Variants in KHDRBS2 observed in about 807,000 individuals in gnomAD.
KHDRBS2 encodes KH RNA binding domain containing, signal transduction associated 2.
A neutral mutation model predicts 44.3 loss-of-function variants in KHDRBS2; 26 were observed. The observed-to-expected ratio is 0.59, with a 90% CI of 0.43 to 0.81. The LOEUF (loss-of-function observed/expected upper bound fraction) is 0.81. Ranked by LOEUF, KHDRBS2 falls within the 40% of genes least tolerant of loss-of-function variation. The probability of loss-of-function intolerance (pLI) is 0.00; values close to 1 mark genes in which losing one functional copy is unlikely to be tolerated. For synonymous variants in KHDRBS2, 194 were observed against 151.1 expected (o/e 1.28, Z -2.08); for missense variants, 476 against 433.1 (o/e 1.10, Z -0.88).
Position 61,775,779 on chromosome 6 carries a change from T to C in KHDRBS2, c.811-43015A>G, listed in dbSNP as rs149542695. ...GCTACCAGTGACTTTCTTCATAGAATTGGAAAAAACTACTTTAAATTTCAT... is the reference window on the plus strand; with the variant it reads ...GCTACCAGTGACTTTCTTCATAGAACTGGAAAAAACTACTTTAAATTTCAT... On this transcript the variant is annotated intron_variant, in intron 6 of 8. Transcript: ENST00000281156. 3.2e-3 allele frequency among the ~76,000 whole-genome samples: 485 copies of C among 152,204 alleles called. 25 individuals carry two copies. The East Asian group carries it at 0.085, about 27-fold the overall frequency.
chr6:61,730,816 TTA>T (rs773895853), intron 7 of KHDRBS2, among the ~76,000 whole-genome samples: 2 of 151,676 alleles, frequency 1.3e-5, no homozygotes, highest in African/African-American at 2.4e-5. Flanking sequence ...TATACAGCCA[TTA>T]TATATATGTG....
intron 1 of KHDRBS2, among the ~76,000 whole-genome samples, chr6:62,210,773 T>C (rs1828911902): frequency 6.6e-6 from 1 of 152,146 alleles, no homozygotes; most frequent in Admixed American, 6.5e-5. Flanking sequence ...CAATAAATAA[T>C]AACATAATCA....
In KHDRBS2 at chr6:61,769,463, T is replaced by C. The variant is rs538567241; in HGVS notation, c.811-36699A>G. ...CTGGAAAATCGGGTCACTCCCACCC[T>C]AATACTGCGCTTTTCCAAAGGGCTT... On this transcript the variant is annotated intron_variant, in intron 6 of 8. Transcript: ENST00000281156. Among the ~76,000 whole-genome samples the C allele has an allele frequency of 2.0e-5, 3 of 152,284 alleles. No homozygotes were observed. The East Asian group carries it at 5.8e-4, about 29-fold the overall frequency.
the KHDRBS2 span, among the ~76,000 whole-genome samples, chr6:61,665,972 T>A: frequency 6.6e-6 from 1 of 151,004 alleles, no homozygotes; most frequent in Non-Finnish European, 1.5e-5. Context: ...TGAATAGTTA[T>A]ATTTTGATGT....
intron 2 of KHDRBS2, among the ~76,000 whole-genome samples, chr6:62,163,172 G>A (rs571097138): frequency 6.6e-6 from 1 of 152,106 alleles, no homozygotes; most frequent in East Asian, 1.9e-4. Context: ...ACAAATACAA[G>A]CAGTTTTGCA....
rs1563037955 is a variant in KHDRBS2, at chr6:62,193,648, A to C, written c.92-16336T>G. On this transcript the variant is annotated intron_variant, in intron 1 of 8. Coordinates refer to ENST00000281156, the MANE Select transcript of KHDRBS2 (RefSeq NM_152688.4). ...TTCCTGCAGGTGGACATTTTGAAAA[A>C]CTGCTAAAATGTTTTCCAAAGTTAC... 4.6e-5 allele frequency among the ~76,000 whole-genome samples: 7 copies of C among 152,076 alleles called. No individual in the cohort carries two copies. The South Asian group carries it at 1.4e-3, about 31-fold the overall frequency.
At chr6:62,250,679 A>G (rs1474863637) in intron 1 of KHDRBS2, among the ~76,000 whole-genome samples, 4 of 152,014 alleles carry the variant, frequency 2.6e-5, no homozygotes, top group African/African-American at 9.7e-5. Flanking sequence ...ACTAGACAAG[A>G]TATGAATTAT....
intron 6 of KHDRBS2, among the ~76,000 whole-genome samples, chr6:61,743,631 T>A (rs1451203331): frequency 3.3e-5 from 5 of 152,120 alleles, no homozygotes; most frequent in Non-Finnish European, 4.4e-5. Flanking sequence ...TTTATTTTTT[T>A]AATTTTATTA....
intron 4 of KHDRBS2, among the ~76,000 whole-genome samples, chr6:61,956,839 A>G (rs996613275): frequency 2.0e-5 from 3 of 152,062 alleles, no homozygotes; most frequent in Non-Finnish European, 4.4e-5. Context: ...TGATTTTTTT[A>G]AGGTCTGAGT....
intron 7 of KHDRBS2, among the ~76,000 whole-genome samples, chr6:61,713,525 T>C (rs138003014): frequency 1.3e-5 from 2 of 151,706 alleles, no homozygotes; most frequent in African/African-American, 4.8e-5. Context: ...GAGAAATATC[T>C]TCCTTATCTA....
At chr6:62,240,566 TATATAC>T (rs900261133) in intron 1 of KHDRBS2, among the ~76,000 whole-genome samples, 12 of 149,670 alleles carry the variant, frequency 8.0e-5, no homozygotes, top group Non-Finnish European at 1.3e-4. Flanking sequence ...TCTGTCACTA[TATATAC>T]ATATACATAT....
At chr6:62,155,604 C>G (rs1237491333) in intron 2 of KHDRBS2, among the ~76,000 whole-genome samples, 1 of 152,140 alleles carries the variant, frequency 6.6e-6, no homozygotes, top group Non-Finnish European at 1.5e-5. Context: ...GGTTCTGGCC[C>G]CAACACTGTC....
Position 62,286,214 on chromosome 6 carries a change from C to A in KHDRBS2, c.-266G>T, listed in dbSNP as rs1842483019. 2.1e-6 allele frequency: 1 copy of A among 481,758 alleles called. No individual in the cohort carries two copies. The highest frequency in any genetic ancestry group is 3.6e-6 in the Non-Finnish European group (1 of 274,740). The allele number at this position is 481,758 out of a possible 1,614,324, so 29.8% of individuals were successfully genotyped here. ...ACACCAGCGGCCTTAACTGGAGAGGCGGGAACAGGACGCGGCCCACCTCCG... is the reference window on the plus strand; with the variant it reads ...ACACCAGCGGCCTTAACTGGAGAGGAGGGAACAGGACGCGGCCCACCTCCG... On this transcript the variant is annotated 5_prime_UTR_variant, in exon 1 of 9. Transcript: ENST00000281156.
At chr6:61,586,190 C>A in the KHDRBS2 span, among the ~76,000 whole-genome samples, 1 of 152,096 alleles carries the variant, frequency 6.6e-6, no homozygotes, top group Non-Finnish European at 1.5e-5. Flanking sequence ...TTGTTACTTA[C>A]AATAAAAAAG....
intron 6 of KHDRBS2, among the ~76,000 whole-genome samples, chr6:61,804,174 G>A (rs1203140091): frequency 3.3e-5 from 5 of 152,106 alleles, no homozygotes; most frequent in African/African-American, 1.2e-4. Context: ...TAGGGAATGG[G>A]GGAAATTGGC....
the KHDRBS2 span, among the ~76,000 whole-genome samples, chr6:61,609,841 C>T: frequency 2.6e-4 from 39 of 152,198 alleles, no homozygotes; most frequent in South Asian, 6.0e-3. Flanking sequence ...AGAATATATC[C>T]TGAGGAATAC....
the KHDRBS2 span, among the ~76,000 whole-genome samples, chr6:61,609,972 T>A: frequency 9.7e-4 from 148 of 152,178 alleles, no homozygotes; most frequent in South Asian, 2.1e-3. Context: ...AGGAGATAGA[T>A]ACCAACCTGG....
chr6:61,800,602 ACT>A (rs1786100411), intron 6 of KHDRBS2, among the ~76,000 whole-genome samples: 1 of 152,154 alleles, frequency 6.6e-6, no homozygotes, highest in East Asian at 1.9e-4. Context: ...GATCTTCCTG[ACT>A]CTGGACTTTT....
intron 4 of KHDRBS2, among the ~76,000 whole-genome samples, chr6:61,930,201 T>A (rs929760513): frequency 2.0e-5 from 3 of 152,116 alleles, no homozygotes; most frequent in African/African-American, 7.2e-5. Context: ...ACAACAAACC[T>A]GCAGGCACCT....
Sources: allele counts gnomAD v4.1 joint callset (sites outside exome capture counted in the v4.1 genomes callset), GRCh38; gene constraint gnomAD v4.1.1; transcripts MANE v1.5; gene names NCBI Gene and HGNC (gene_info 2026-07-23, HGNC 2026-07-21).